Variants in GLT1D1 observed in about 807,000 individuals in gnomAD.
GLT1D1 encodes glycosyltransferase 1 domain containing 1.
A neutral mutation model predicts 28.7 loss-of-function variants in GLT1D1; 21 were observed. That is an observed-to-expected ratio of 0.73 (90% CI 0.52 to 1.05). The LOEUF (loss-of-function observed/expected upper bound fraction) is 1.05, where lower values mean the gene tolerates loss of function less well. GLT1D1 is among the 50% of genes least tolerant of loss of function. GLT1D1 has a pLI of 0.00. For missense variants in GLT1D1, 343 were observed against 330.6 expected (o/e 1.04, Z -0.29); for synonymous variants, 147 against 124.8 (o/e 1.18, Z -1.19).
intron 4 of GLT1D1, among the ~76,000 whole-genome samples, chr12:128,936,913 G>A (rs956084977): frequency 7.2e-5 from 11 of 151,980 alleles, no homozygotes; most frequent in Admixed American, 4.6e-4. Context: ...TTTGTTCCAC[G>A]TGGCTTCACT....
rs1362534916 is a variant in GLT1D1 at position 128,917,258 on chromosome 12, CTT to C, written c.375+17973_375+17974del. Among the ~76,000 whole-genome samples, 10 of 152,172 alleles carry C rather than the reference CTT, an allele frequency of 6.6e-5. No homozygotes were observed. In the South Asian group the frequency reaches 1.9e-3, roughly 28 times the overall value. On this transcript the variant is annotated intron_variant, in intron 4 of 7. Coordinates refer to ENST00000281703, the MANE Select transcript of GLT1D1 (RefSeq NM_144669.3). ...GAAACCAAGTAGTGTTAGTCAATAA[CTT>C]TGTTTCAGAATTATTTTAGCTATTC...
chr12:128,939,810 C>T (rs1050426217), intron 4 of GLT1D1, among the ~76,000 whole-genome samples: 2 of 146,722 alleles, frequency 1.4e-5, no homozygotes, highest in African/African-American at 2.6e-5. Context: ...CGAGACAACA[C>T]TGGGGGATGT....
chr12:128,875,977 A>G lies in GLT1D1; in HGVS notation c.132A>G (p.Arg44=). 1 of 1,614,050 alleles carries G rather than the reference A, an allele frequency of 6.2e-7. No homozygotes were observed. The highest frequency in any genetic ancestry group is 2.2e-5 in the East Asian group (1 of 44,886). Residue 44 remains arginine (R), a synonymous_variant, in exon 2 of 8, where the codon CGA becomes CGG. Transcript: ENST00000281703. ...AGGATGCCTTTGACTTTGAAAGCCG[A>G]TCTGAGATTGCAAACCTCATCTTGG...
intron 4 of GLT1D1, among the ~76,000 whole-genome samples, chr12:128,927,960 G>GCTGT (rs112023927): frequency 0.2 from 25,133 of 122,970 alleles, 2,580 homozygotes; most frequent in Middle Eastern, 0.26. Flanking sequence ...AGGTCGCACC[G>GCTGT]CTGTACTCCA....
intron 7 of GLT1D1, among the ~76,000 whole-genome samples, chr12:128,972,047 G>A (rs901897575): frequency 4.6e-5 from 7 of 151,696 alleles, no homozygotes; most frequent in Non-Finnish European, 2.9e-5. Flanking sequence ...CTCCAGGGTC[G>A]CTGCCACATG....
chr12:128,948,423 C>T (rs1026607701), intron 6 of GLT1D1, among the ~76,000 whole-genome samples: 1 of 152,094 alleles, frequency 6.6e-6, no homozygotes, highest in Non-Finnish European at 1.5e-5. Context: ...TTTCCTCATG[C>T]GATTAAAGCA....
rs1269155060 is a variant in GLT1D1, at chr12:128,982,909, T to G, written c.640-20T>G. 6.2e-7 allele frequency: 1 copy of G among 1,612,882 alleles called. No individual in the cohort carries two copies. Among genetic ancestry groups the G allele is most frequent in the Admixed American group, 1.7e-5 (1 of 60,012 alleles). On this transcript the variant is annotated intron_variant, in intron 7 of 7. Coordinates refer to ENST00000281703, the MANE Select transcript of GLT1D1 (RefSeq NM_144669.3). ...CCCTTCATCAGTGATTTATGTCTACTTCTCCTTCCTTTTTTGCAGGAGTTT... is the reference window on the plus strand; with the variant it reads ...CCCTTCATCAGTGATTTATGTCTACGTCTCCTTCCTTTTTTGCAGGAGTTT...
At chr12:128,952,039 T>G (rs1054579311) in intron 6 of GLT1D1, among the ~76,000 whole-genome samples, 2 of 152,152 alleles carry the variant, frequency 1.3e-5, no homozygotes, top group African/African-American at 4.8e-5. Context: ...TCATGCCTTC[T>G]GTCATTCAGC....
At chr12:128,910,526 G>A (rs546551183) in intron 4 of GLT1D1, among the ~76,000 whole-genome samples, 2 of 152,082 alleles carry the variant, frequency 1.3e-5, no homozygotes. Flanking sequence ...TGCCAGGCGA[G>A]TGTTTTGGAC....
chr12:128,888,833 C>T (rs1189824323), intron 3 of GLT1D1, 89 bp downstream of exon 3: 13 of 839,046 alleles, frequency 1.5e-5, no homozygotes, highest in Admixed American at 5.1e-5. Flanking sequence ...CACCAATTGC[C>T]GGGAAGGTTT....
At chr12:128,963,570 C>CG (rs1419773590) in intron 7 of GLT1D1, among the ~76,000 whole-genome samples, 1 of 152,072 alleles carries the variant, frequency 6.6e-6, no homozygotes, top group Non-Finnish European at 1.5e-5. Context: ...TGCTTAAACC[C>CG]GGGGGGTGGA....
intron 3 of GLT1D1, among the ~76,000 whole-genome samples, chr12:128,891,972 T>G (rs1869112644): frequency 6.6e-6 from 1 of 152,068 alleles, no homozygotes; most frequent in Non-Finnish European, 1.5e-5. Context: ...AATCAATATA[T>G]GTAGGAGGTA....
chr12:128,904,996 T>G (rs552709602), intron 4 of GLT1D1, among the ~76,000 whole-genome samples: 2 of 152,274 alleles, frequency 1.3e-5, no homozygotes, highest in East Asian at 3.9e-4. Context: ...CTCGAACTCC[T>G]GACCTCAAGT....
intron 1 of GLT1D1, among the ~76,000 whole-genome samples, chr12:128,859,700 T>A (rs1956310509): frequency 6.6e-6 from 1 of 152,186 alleles, no homozygotes; most frequent in Admixed American, 6.5e-5. Context: ...TGAAAGGCCA[T>A]GAGATTTGTG....
intron 7 of GLT1D1, among the ~76,000 whole-genome samples, chr12:128,968,777 C>A (rs745682818): frequency 6.6e-6 from 1 of 152,124 alleles, no homozygotes; most frequent in Non-Finnish European, 1.5e-5. Flanking sequence ...GACACAGATT[C>A]TCCAGTGAGC....
intron 1 of GLT1D1, among the ~76,000 whole-genome samples, chr12:128,874,068 CTT>C (rs1188562154): frequency 1.1e-3 from 20 of 18,568 alleles, no homozygotes; most frequent in South Asian, 9.6e-3. Flanking sequence ...TCCTTTCTTT[CTT>C]TCTTTCTTTC....
chr12:128,965,976 A>G (rs1878419912), intron 7 of GLT1D1, among the ~76,000 whole-genome samples: 1 of 152,236 alleles, frequency 6.6e-6, no homozygotes, highest in Non-Finnish European at 1.5e-5. Context: ...GCTGCAGAGG[A>G]GGAAAGAATG....
chr12:128,905,107 C>G (rs1344514928), intron 4 of GLT1D1, among the ~76,000 whole-genome samples: 1 of 152,114 alleles, frequency 6.6e-6, no homozygotes, highest in Non-Finnish European at 1.5e-5. Flanking sequence ...AGGTATTACA[C>G]CACTTACGCC....
At chr12:128,858,159 T>C (rs563673352) in intron 1 of GLT1D1, among the ~76,000 whole-genome samples, 1 of 152,346 alleles carries the variant, frequency 6.6e-6, no homozygotes. Context: ...CCCAAATTCC[T>C]GTCTAAGGGG....
Sources: gnomAD v4.1 joint callset for allele counts (sites outside exome capture counted in the v4.1 genomes callset) on GRCh38, gnomAD v4.1.1 for gene constraint, MANE v1.5 for transcripts, NCBI Gene and HGNC (gene_info 2026-07-23, HGNC 2026-07-21) for gene names.